The following UGGT1 variants were observed in gnomAD, a reference collection of about 807,000 sequenced individuals.
UGGT1 encodes UDP-glucose glycoprotein glucosyltransferase 1, also known as UDP-glucose:glycoprotein glucosyltransferase 1.
Under a neutral mutation model 203.9 loss-of-function variants are expected in UGGT1, and 107 were observed. That is an observed-to-expected ratio of 0.52 (90% CI 0.45 to 0.62). The LOEUF (loss-of-function observed/expected upper bound fraction) is 0.62, where lower values mean the gene tolerates loss of function less well. Among genes scored for constraint, UGGT1 ranks in the 20% least tolerant of loss-of-function variants. UGGT1 has a pLI of 0.00. For synonymous variants in UGGT1, 628 were observed against 653.5 expected (o/e 0.96, Z 0.59); for missense variants, 1,673 against 1,867.2 (o/e 0.90, Z 1.92).
Position 128,167,152 on chromosome 2 carries a change from G to T in UGGT1, c.2921+2327G>T, listed in dbSNP as rs187569008. 1.8e-3 allele frequency among the ~76,000 whole-genome samples: 274 copies of T among 152,210 alleles called. 1 individual carries two copies. Among genetic ancestry groups the T allele is most frequent in the Admixed American group, 5.0e-3 (77 of 15,280 alleles). ...AGGAAGTAACTCATTAGTCACCAGC[G>T]GGAGGAAACCTTTCCTAATCAACCT... On this transcript the variant is annotated intron_variant, in intron 26 of 40. Coordinates refer to ENST00000259253, the MANE Select transcript of UGGT1 (RefSeq NM_020120.4).
chr2:128,141,970 C>T (rs1390672159), intron 16 of UGGT1, among the ~76,000 whole-genome samples: 6 of 151,860 alleles, frequency 4.0e-5, no homozygotes, highest in Non-Finnish European at 8.8e-5. Context: ...TTGAGACAGT[C>T]TCACTCCATC....
chr2:128,155,474 C>T lies in UGGT1; in HGVS notation c.2138-15C>T. On this transcript the variant is annotated splice_polypyrimidine_tract_variant and intron_variant, in intron 19 of 40. Coordinates refer to ENST00000259253, the MANE Select transcript of UGGT1 (RefSeq NM_020120.4). ...AACTGGAACTAATATATACGTATTT[C>T]ATTTTTTCTCCCAGATAACTTCTTT... The T allele has an allele frequency of 6.3e-7, 1 of 1,592,404 alleles. No homozygotes were observed. Among genetic ancestry groups the T allele is most frequent in the East Asian group, 2.2e-5 (1 of 44,658 alleles).
intron 2 of UGGT1, 31 bp downstream of exon 2, chr2:128,097,595 T>C (rs1411453167): frequency 6.2e-7 from 1 of 1,611,924 alleles, no homozygotes; most frequent in African/African-American, 1.3e-5. Context: ...CCTTCGTGTA[T>C]TTGAGTATAA....
chr2:128,184,266 A>T (rs1375171270), intron 38 of UGGT1, among the ~76,000 whole-genome samples: 1 of 152,172 alleles, frequency 6.6e-6, no homozygotes, highest in Non-Finnish European at 1.5e-5. Context: ...TGTTAATGTT[A>T]AGCATTTTTC....
At chr2:128,106,036 C>G (rs906966621) in intron 3 of UGGT1, among the ~76,000 whole-genome samples, 1 of 152,070 alleles carries the variant, frequency 6.6e-6, no homozygotes, top group African/African-American at 2.4e-5. Context: ...CTCAAGACAT[C>G]CCTGCCCTGC....
At chr2:128,144,144 A>T (rs369749740) in intron 17 of UGGT1, among the ~76,000 whole-genome samples, 4 of 152,348 alleles carry the variant, frequency 2.6e-5, no homozygotes, top group African/African-American at 9.6e-5. Context: ...ACGTGGGCAA[A>T]CACTTTACCT....
At chr2:128,135,292 C>A (rs752498963) in intron 15 of UGGT1, among the ~76,000 whole-genome samples, 1 of 152,212 alleles carries the variant, frequency 6.6e-6, no homozygotes, top group Non-Finnish European at 1.5e-5. Context: ...AGATATAGAG[C>A]ATTGCCAATA....
rs1426575327 is a variant in UGGT1 at position 128,145,907 on chromosome 2, A to G, written c.1956A>G (p.Glu652=). ...AACAGCTAGACCCTGATGAGTTAGA[A>G]ACCATCACAATGCATAAAATCCTGG... ...EREQLDPDEL[E]TITMHKILET... Residue 652 remains glutamate, a synonymous_variant, in exon 18 of 41, where the codon GAA becomes GAG. Coordinates refer to ENST00000259253, the MANE Select transcript of UGGT1 (RefSeq NM_020120.4). 2 of 1,614,180 alleles carry G rather than the reference A, an allele frequency of 1.2e-6. No individual in the cohort carries two copies. Among genetic ancestry groups the G allele is most frequent in the Non-Finnish European group, 1.7e-6 (2 of 1,180,008 alleles).
intron 38 of UGGT1, among the ~76,000 whole-genome samples, chr2:128,185,621 A>G (rs1305355033): frequency 6.6e-6 from 1 of 151,766 alleles, no homozygotes; most frequent in African/African-American, 2.4e-5. Context: ...CGACAGGCTC[A>G]CACCACCAGG....
At chr2:128,162,108 A>C (rs1690555121) in intron 25 of UGGT1, among the ~76,000 whole-genome samples, 1 of 151,952 alleles carries the variant, frequency 6.6e-6, no homozygotes, top group African/African-American at 2.4e-5. Flanking sequence ...GGTTTGATTC[A>C]CATTTCCCTA....
chr2:128,174,309 G>GTTT (rs536672995), intron 30 of UGGT1, among the ~76,000 whole-genome samples: 37 of 134,460 alleles, frequency 2.8e-4, no homozygotes, highest in African/African-American at 8.2e-4. Context: ...TATTGTACTA[G>GTTT]TTTTTTTTTT....
rs1178452218 is a variant in UGGT1, at chr2:128,164,747, T to G, written c.2843T>G (p.Met948Arg). 6.2e-7 allele frequency: 1 copy of G among 1,613,980 alleles called. No individual in the cohort carries two copies. ...VEEDVASDLV[M>R]KVDALLSAQP... ...TCTTTCAGGGCAAGCGACTTGGTAA[T>G]GAAGGTGGATGCTCTTCTGTCAGCG... The change falls in exon 26 of 41, where the codon ATG (methionine) becomes AGG (arginine). Residue 948 changes from methionine to arginine, a missense_variant. Coordinates refer to ENST00000259253, the MANE Select transcript of UGGT1 (RefSeq NM_020120.4).
At chr2:128,120,602 A>G (rs1208561114) in intron 9 of UGGT1, 146 bp downstream of exon 9, 1 of 678,082 alleles carries the variant, frequency 1.5e-6, no homozygotes, top group Non-Finnish European at 2.6e-6. Flanking sequence ...AATTACGATT[A>G]ATCAGGGAAG....
chr2:128,145,542 A>G (rs1689646638), intron 17 of UGGT1: 1 of 358,116 alleles, frequency 2.8e-6, no homozygotes, highest in Non-Finnish European at 5.1e-6. Context: ...ACACACGTAC[A>G]CACACACGCA....
chr2:128,157,451 T>C, intron 22 of UGGT1, 105 bp downstream of exon 22: 2 of 818,398 alleles, frequency 2.4e-6, no homozygotes, highest in Non-Finnish European at 4.0e-6. Flanking sequence ...GGAGTCCTGC[T>C]TTCTTAATGC....
intron 11 of UGGT1, 87 bp downstream of exon 11, chr2:128,123,333 T>C: frequency 9.2e-7 from 1 of 1,087,984 alleles, no homozygotes; most frequent in South Asian, 1.5e-5. Flanking sequence ...CATTTAACAG[T>C]GTCACTCTTC....
chr2:128,165,952 G>A (rs926628161), intron 26 of UGGT1, among the ~76,000 whole-genome samples: 4 of 152,002 alleles, frequency 2.6e-5, no homozygotes, highest in African/African-American at 9.7e-5. Flanking sequence ...TATAGAGATG[G>A]GGTCTCACTG....
At chr2:128,103,148 A>T in intron 2 of UGGT1, 1 of 470,554 alleles carries the variant, frequency 2.1e-6, no homozygotes, top group Non-Finnish European at 4.4e-6. Flanking sequence ...TTGGCTAGGT[A>T]AGCTGAGATC....
intron 18 of UGGT1, chr2:128,151,286 G>A (rs982892373): frequency 1.4e-5 from 8 of 587,154 alleles, no homozygotes; most frequent in Non-Finnish European, 2.3e-5. Context: ...TCCTTGGCCT[G>A]CTTCTTGGGC....
Sources: allele counts gnomAD v4.1 joint callset (sites outside exome capture counted in the v4.1 genomes callset), GRCh38; gene constraint gnomAD v4.1.1; transcripts MANE v1.5; gene names NCBI Gene and HGNC (gene_info 2026-07-23, HGNC 2026-07-21).